MPPE1: variants seen among roughly 807,000 people sequenced by gnomAD.
MPPE1 encodes the protein metallophosphoesterase 1.
MPPE1 carries 28 observed loss-of-function variants against 43.8 expected under a neutral mutation model. The observed-to-expected ratio is 0.64, with a 90% CI of 0.47 to 0.88. MPPE1 has a LOEUF of 0.88. MPPE1 is among the 40% of genes least tolerant of loss of function. The pLI, the probability that MPPE1 is intolerant of heterozygous loss-of-function variation, is 0.00. For synonymous variants in MPPE1, 159 were observed against 188.5 expected (o/e 0.84, Z 1.28); for missense variants, 428 against 492.2 (o/e 0.87, Z 1.23).
At chr18:11,884,719 AG>A (rs1489882371) in intron 10 of MPPE1, 92 bp from the exon 11 acceptor site, 66 of 1,415,046 alleles carry the variant, frequency 4.7e-5, no homozygotes, top group Non-Finnish European at 5.2e-5. Context: ...CTGCCTTCTC[AG>A]GTCCCCCTCA....
rs1191270549 is a variant in MPPE1, at chr18:11,882,741, A to C, written c.*1704T>G. 1 of 152,094 alleles carries C rather than the reference A, an allele frequency of 6.6e-6. No individual in the cohort carries two copies. The highest frequency in any genetic ancestry group is 1.5e-5 in the Non-Finnish European group (1 of 68,018). The allele number at this position is 152,094 out of a possible 1,614,324, so 9.4% of individuals were successfully genotyped here. On this transcript the variant is annotated 3_prime_UTR_variant, in exon 11 of 11. Transcript: ENST00000588072. The stretch of plus-strand genomic sequence containing the variant: ...CAATGTTTGTGTCTGGCCTAGGAGA[A>C]TGAGGATGACAGCTTCACTTGCCTT...
intron 2 of MPPE1, among the ~76,000 whole-genome samples, chr18:11,899,283 G>T (rs776473880): frequency 2.0e-5 from 3 of 152,168 alleles, no homozygotes; most frequent in Non-Finnish European, 2.9e-5. Context: ...CAGTGGGCAG[G>T]AAGAACCTGT....
In MPPE1 at chr18:11,884,172, G is replaced by A; in HGVS notation, c.*273C>T. 3.0e-6 allele frequency: 1 copy of A among 336,892 alleles called. No homozygotes were observed. Among genetic ancestry groups the A allele is most frequent in the Non-Finnish European group, 5.5e-6 (1 of 180,708 alleles). The allele number at this position is 336,892 out of a possible 1,614,324, so 20.9% of individuals were successfully genotyped here. The stretch of plus-strand genomic sequence containing the variant: ...GTGCATGTGAGTGACGACATTAATA[G>A]CATTTACATACTGTACAGATGCAAC... On this transcript the variant is annotated 3_prime_UTR_variant, in exon 11 of 11. Coordinates refer to ENST00000588072, the MANE Select transcript of MPPE1 (RefSeq NM_023075.6).
chr18:11,884,831 C>CA, intron 10 of MPPE1: 1 of 1,397,842 alleles, frequency 7.2e-7, no homozygotes, highest in Admixed American at 2.9e-5. Flanking sequence ...GCAGGAGAGA[C>CA]AAGTAAGGCC....
chr18:11,888,922 A>G (rs1390521603), intron 5 of MPPE1, among the ~76,000 whole-genome samples, 179 bp from the exon 6 acceptor site: 3 of 152,210 alleles, frequency 2.0e-5, no homozygotes, highest in Non-Finnish European at 4.4e-5. Context: ...CTTACTATGA[A>G]GCCTGGGGCA....
chr18:11,889,350 G>C, intron 5 of MPPE1, 37 bp downstream of exon 5: 2 of 1,279,644 alleles, frequency 1.6e-6, no homozygotes, highest in Non-Finnish European at 2.2e-6. Flanking sequence ...CAGTTAACAA[G>C]AGCTCTCAGG....
intron 4 of MPPE1, among the ~76,000 whole-genome samples, chr18:11,892,573 T>A (rs2038125983): frequency 6.6e-6 from 1 of 150,886 alleles, no homozygotes; most frequent in Admixed American, 6.6e-5. Context: ...CACAGGAGGC[T>A]GAGGCAGGAC....
intron 4 of MPPE1, among the ~76,000 whole-genome samples, chr18:11,890,648 AAAC>A (rs1429286818): frequency 6.6e-6 from 1 of 152,190 alleles, no homozygotes; most frequent in Non-Finnish European, 1.5e-5. Flanking sequence ...TCCCATCTTA[AAAC>A]AATAACTGGC....
rs778657177 is a variant in MPPE1 at position 11,885,855 on chromosome 18, C to G, written c.868-39G>C. 3 of 1,568,642 alleles carry G rather than the reference C, an allele frequency of 1.9e-6. No homozygotes were observed. In the South Asian group the frequency reaches 3.4e-5, roughly 18 times the overall value. On this transcript the variant is annotated intron_variant, in intron 9 of 10. Transcript: ENST00000588072. Reference sequence around the variant, plus strand: ...AGAAGACAGCAAAGCAGGCTGTTAGCTCATCCTCAACCAGGCTCTCACCGC... The same window carrying G: ...AGAAGACAGCAAAGCAGGCTGTTAGGTCATCCTCAACCAGGCTCTCACCGC...
intron 3 of MPPE1, among the ~76,000 whole-genome samples, chr18:11,895,900 G>A (rs896399902): frequency 3.3e-5 from 5 of 151,478 alleles, no homozygotes; most frequent in Non-Finnish European, 7.4e-5. Context: ...TTCACCATGG[G>A]AAGTAAAAAT....
In MPPE1 at chr18:11,903,575, G is replaced by A. The variant is rs1457768462; in HGVS notation, c.-93+2628C>T. Reference sequence around the variant, plus strand: ...TAATCCCAGCACTTTGGGAGGCCGAGGCGGGCGGATCACAAGGTTAGGAGA... The same window carrying A: ...TAATCCCAGCACTTTGGGAGGCCGAAGCGGGCGGATCACAAGGTTAGGAGA... On this transcript the variant is annotated intron_variant, in intron 2 of 10. Coordinates refer to ENST00000588072, the MANE Select transcript of MPPE1 (RefSeq NM_023075.6). 2.6e-5 allele frequency among the ~76,000 whole-genome samples: 4 copies of A among 152,158 alleles called. No homozygotes were observed. The East Asian group carries it at 5.8e-4, about 22-fold the overall frequency.
chr18:11,903,678 T>C (rs557760653), intron 2 of MPPE1, among the ~76,000 whole-genome samples: 4 of 152,242 alleles, frequency 2.6e-5, no homozygotes, highest in Middle Eastern at 3.4e-3. Flanking sequence ...TGGTTGCAGG[T>C]GCCTATAGTC....
In MPPE1 at chr18:11,884,108, TG is replaced by T; in HGVS notation, c.*336del. On this transcript the variant is annotated 3_prime_UTR_variant, in exon 11 of 11. Coordinates refer to ENST00000588072, the MANE Select transcript of MPPE1 (RefSeq NM_023075.6). ...TATACACATAATCCCAAGTGTGTGC[TG>T]GGGCCACCAGGCCCTTCCTGGGGGA... 4.1e-6 allele frequency: 1 copy of T among 244,506 alleles called. No homozygotes were observed. Among genetic ancestry groups the T allele is most frequent in the South Asian group, 6.1e-5 (1 of 16,460 alleles). The allele number at this position is 244,506 out of a possible 1,614,324, so 15.1% of individuals were successfully genotyped here.
chr18:11,898,058 G>GT (rs1413612769), intron 2 of MPPE1, among the ~76,000 whole-genome samples: 1 of 151,216 alleles, frequency 6.6e-6, no homozygotes, highest in Non-Finnish European at 1.5e-5. Context: ...GTTTTTGTTT[G>GT]TTTGTTTTGT....
chr18:11,898,015 C>G (rs1283376136), intron 2 of MPPE1, among the ~76,000 whole-genome samples: 1 of 152,086 alleles, frequency 6.6e-6, no homozygotes, highest in Non-Finnish European at 1.5e-5. Flanking sequence ...TGGATATAGG[C>G]CAAGCTAACT....
chr18:11,887,465 G>C (rs888788123), intron 6 of MPPE1, among the ~76,000 whole-genome samples: 1 of 152,190 alleles, frequency 6.6e-6, no homozygotes, highest in Non-Finnish European at 1.5e-5. Flanking sequence ...GTACGTGTCA[G>C]ATATTGTGAC....
chr18:11,898,398 G>C (rs932788125), intron 2 of MPPE1, among the ~76,000 whole-genome samples: 2 of 152,044 alleles, frequency 1.3e-5, no homozygotes, highest in African/African-American at 4.8e-5. Context: ...TTGAAGCAAG[G>C]ATGATGATAA....
chr18:11,893,601 G>T, intron 3 of MPPE1, 25 bp from the exon 4 acceptor site: 1 of 1,589,694 alleles, frequency 6.3e-7, no homozygotes, highest in Non-Finnish European at 8.6e-7. Flanking sequence ...GAAAAAGTAA[G>T]GCATCAGTCT....
chr18:11,903,192 G>A (rs2039365525), intron 2 of MPPE1, among the ~76,000 whole-genome samples: 1 of 152,118 alleles, frequency 6.6e-6, no homozygotes, highest in Non-Finnish European at 1.5e-5. Context: ...CAGCGCCAAG[G>A]AGAGACAATC....
Sources: gnomAD v4.1 joint callset for allele counts (sites outside exome capture counted in the v4.1 genomes callset) on GRCh38, gnomAD v4.1.1 for gene constraint, MANE v1.5 for transcripts, NCBI Gene and HGNC (gene_info 2026-07-23, HGNC 2026-07-21) for gene names.